Variants in CLVS1 observed in about 807,000 individuals in gnomAD.
CLVS1 encodes clavesin-1.
CLVS1 carries 10 observed loss-of-function variants against 33.1 expected under a neutral mutation model. The observed-to-expected ratio is 0.30, with a 90% CI of 0.19 to 0.51. CLVS1 has a LOEUF of 0.51. Among genes scored for constraint, CLVS1 ranks in the 20% least tolerant of loss-of-function variants. CLVS1 has a pLI of 0.97. For synonymous variants in CLVS1, 163 were observed against 166.1 expected (o/e 0.98, Z 0.14); for missense variants, 343 against 433.4 (o/e 0.79, Z 1.85).
At chr8:61,342,357 A>G (rs1026442822) in intron 2 of CLVS1, among the ~76,000 whole-genome samples, 1 of 152,210 alleles carries the variant, frequency 6.6e-6, no homozygotes, top group African/African-American at 2.4e-5. Context: ...TGGAAGGAGG[A>G]CAGGACTCTG....
chr8:61,034,369 C>G, the CLVS1 span, among the ~76,000 whole-genome samples: 1 of 79,554 alleles, frequency 1.3e-5, no homozygotes, highest in Non-Finnish European at 3.0e-5. Context: ...AAATACTTAT[C>G]ATTTTTTTTT....
At chr8:61,001,998 A>G in the CLVS1 span, among the ~76,000 whole-genome samples, 1 of 149,442 alleles carries the variant, frequency 6.7e-6, no homozygotes, top group African/African-American at 2.5e-5. Flanking sequence ...TTTTTTTTTG[A>G]GACAGGGTCT....
intron 2 of CLVS1, among the ~76,000 whole-genome samples, chr8:61,304,100 C>T (rs1258291931): frequency 6.6e-6 from 1 of 152,200 alleles, no homozygotes; most frequent in Non-Finnish European, 1.5e-5. Flanking sequence ...GCTGACACAG[C>T]TTTGCAAGGA....
At chr8:61,449,913 T>G (rs1160557509) in intron 3 of CLVS1, among the ~76,000 whole-genome samples, 1 of 152,204 alleles carries the variant, frequency 6.6e-6, no homozygotes, top group East Asian at 1.9e-4. Context: ...GGGGAATGTA[T>G]GACTACTTCA....
chr8:61,484,754 C>G (rs1478572413), intron 5 of CLVS1, among the ~76,000 whole-genome samples: 2 of 152,086 alleles, frequency 1.3e-5, no homozygotes, highest in Non-Finnish European at 2.9e-5. Flanking sequence ...AGATATAGAC[C>G]AATGGAACAG....
chr8:61,173,516 C>T (rs1405260119), intron 2 of CLVS1, among the ~76,000 whole-genome samples: 1 of 152,146 alleles, frequency 6.6e-6, no homozygotes, highest in Non-Finnish European at 1.5e-5. Context: ...ACCGCTTTTG[C>T]TGTATCCCAG....
intron 2 of CLVS1, among the ~76,000 whole-genome samples, chr8:61,235,289 G>C (rs980799454): frequency 7.9e-5 from 12 of 152,174 alleles, no homozygotes; most frequent in African/African-American, 2.9e-4. Flanking sequence ...CATGCCTGAG[G>C]GTGATTCCAC....
intron 1 of CLVS1, among the ~76,000 whole-genome samples, chr8:61,116,014 C>G (rs966562303): frequency 6.8e-6 from 1 of 147,872 alleles, no homozygotes; most frequent in African/African-American, 2.5e-5. Context: ...GTTCCTATTT[C>G]TCCACATCCT....
chr8:61,471,754 GC>G (rs886376034), intron 5 of CLVS1, among the ~76,000 whole-genome samples: 1 of 152,220 alleles, frequency 6.6e-6, no homozygotes, highest in African/African-American at 2.4e-5. Context: ...GTCTGAGCCT[GC>G]CCCCTGGCCT....
At chr8:61,222,551 T>A (rs1354710376) in intron 2 of CLVS1, among the ~76,000 whole-genome samples, 2 of 152,228 alleles carry the variant, frequency 1.3e-5, no homozygotes, top group African/African-American at 4.8e-5. Flanking sequence ...CTGCTTGTTA[T>A]GATTTCAGTT....
chr8:61,042,365 G>A, the CLVS1 span, among the ~76,000 whole-genome samples: 25 of 152,268 alleles, frequency 1.6e-4, no homozygotes, highest in African/African-American at 4.1e-4. Context: ...AGCCTGTGAC[G>A]TTAAGAGGAA....
At chr8:60,969,377 G>T in the CLVS1 span, among the ~76,000 whole-genome samples, 1 of 152,196 alleles carries the variant, frequency 6.6e-6, no homozygotes, top group Non-Finnish European at 1.5e-5. Context: ...TTTAAGTGTA[G>T]GGGTGCATGA....
chr8:61,244,802 A>G (rs1291550816), intron 2 of CLVS1, among the ~76,000 whole-genome samples: 1 of 152,202 alleles, frequency 6.6e-6, no homozygotes, highest in Non-Finnish European at 1.5e-5. Flanking sequence ...AACTGCTCTT[A>G]AAAATTTATT....
chr8:61,136,242 T>C (rs2129292086), intron 2 of CLVS1, among the ~76,000 whole-genome samples: 1 of 152,308 alleles, frequency 6.6e-6, no homozygotes, highest in Non-Finnish European at 1.5e-5. Context: ...CAGTGGATCT[T>C]GAGGTCAAGG....
At chr8:61,196,714 A>C (rs1179105167) in intron 2 of CLVS1, among the ~76,000 whole-genome samples, 10 of 152,202 alleles carry the variant, frequency 6.6e-5, no homozygotes. Flanking sequence ...GGATTGCTGT[A>C]TTTAGGTCAT....
At chr8:61,414,811 G>A (rs909625709) in intron 3 of CLVS1, among the ~76,000 whole-genome samples, 1 of 152,232 alleles carries the variant, frequency 6.6e-6, no homozygotes, top group African/African-American at 2.4e-5. Context: ...CCCCAGGCCT[G>A]CTTGGACAGA....
At chr8:61,210,845 A>T (rs975932544) in intron 2 of CLVS1, among the ~76,000 whole-genome samples, 5 of 152,210 alleles carry the variant, frequency 3.3e-5, no homozygotes, top group African/African-American at 1.2e-4. Flanking sequence ...ACATAGAGAA[A>T]TAAATGCTAT....
At chr8:61,171,069 C>T (rs774776087) in intron 2 of CLVS1, among the ~76,000 whole-genome samples, 25 of 151,606 alleles carry the variant, frequency 1.6e-4, no homozygotes, top group Admixed American at 1.5e-3. Context: ...ATTTAACTGC[C>T]CAGGTGTCAG....
chr8:61,053,997 T>C (rs960842556), upstream of CLVS1, among the ~76,000 whole-genome samples: 4 of 152,222 alleles, frequency 2.6e-5, no homozygotes, highest in African/African-American at 9.6e-5. Context: ...CAATAAATTC[T>C]CTACTTGAAG....
Sources: allele counts gnomAD v4.1 joint callset (sites outside exome capture counted in the v4.1 genomes callset), GRCh38; gene constraint gnomAD v4.1.1; transcripts MANE v1.5; gene names NCBI Gene and HGNC (gene_info 2026-07-23, HGNC 2026-07-21).